Variants in RNF180 observed in about 807,000 individuals in gnomAD.
RNF180 encodes E3 ubiquitin-protein ligase RNF180.
RNF180 carries 38 observed loss-of-function variants against 59.2 expected under a neutral mutation model. That is an observed-to-expected ratio of 0.64 (90% CI 0.50 to 0.84). The LOEUF is 0.84. RNF180 is among the 40% of genes least tolerant of loss of function. The pLI, the probability that RNF180 is intolerant of heterozygous loss-of-function variation, is 0.00. For synonymous variants in RNF180, 262 were observed against 240.3 expected, an observed-to-expected ratio of 1.09 and a Z score of -0.84; for missense variants, 705 against 700.9, an observed-to-expected ratio of 1.01 and a Z score of -0.07.
chr5:64,266,146 T>C (rs1327418964), intron 5 of RNF180, among the ~76,000 whole-genome samples: 1 of 152,230 alleles, frequency 6.6e-6, no homozygotes, highest in Non-Finnish European at 1.5e-5. Context: ...TTTCCAGATA[T>C]ACAATCATGT....
chr5:64,169,562 A>G (rs937770649), intron 1 of RNF180, among the ~76,000 whole-genome samples: 1 of 152,226 alleles, frequency 6.6e-6, no homozygotes, highest in African/African-American at 2.4e-5. Flanking sequence ...TTCTTAATCA[A>G]AGTTCCCATG....
chr5:64,284,479 A>G (rs1239069647), intron 5 of RNF180, among the ~76,000 whole-genome samples: 1 of 152,206 alleles, frequency 6.6e-6, no homozygotes, highest in Non-Finnish European at 1.5e-5. Flanking sequence ...CATTTCACCA[A>G]TGCCAACGAG....
chr5:64,349,673 T>G (rs7705665), intron 7 of RNF180, among the ~76,000 whole-genome samples: 7,969 of 151,528 alleles, frequency 0.053, 677 homozygotes, highest in African/African-American at 0.18. Context: ...CACCTATGAG[T>G]GAGAACATGC....
chr5:64,306,163 G>A (rs977816109), intron 5 of RNF180, among the ~76,000 whole-genome samples: 1 of 151,614 alleles, frequency 6.6e-6, no homozygotes, highest in Non-Finnish European at 1.5e-5. Flanking sequence ...AAATAAAAAG[G>A]TAGATTTCTT....
At chr5:64,255,497 G>C (rs998075064) in intron 5 of RNF180, among the ~76,000 whole-genome samples, 3 of 152,086 alleles carry the variant, frequency 2.0e-5, no homozygotes, top group African/African-American at 4.8e-5. Flanking sequence ...ATGGTTTCCA[G>C]CTTCATCCAT....
At chr5:64,234,251 G>C (rs950120568) in intron 5 of RNF180, among the ~76,000 whole-genome samples, 4 of 152,108 alleles carry the variant, frequency 2.6e-5, no homozygotes, top group Non-Finnish European at 5.9e-5. Context: ...CATCACTTGA[G>C]ATCAGGAGTT....
chr5:64,320,117 C>G (rs1046398925), intron 5 of RNF180, among the ~76,000 whole-genome samples: 10 of 152,336 alleles, frequency 6.6e-5, no homozygotes, highest in Admixed American at 2.0e-4. Flanking sequence ...ATTAATTTAA[C>G]AAGCTCTCCA....
At chr5:64,297,959 G>T (rs1241986647) in intron 5 of RNF180, among the ~76,000 whole-genome samples, 1 of 152,014 alleles carries the variant, frequency 6.6e-6, no homozygotes, top group Non-Finnish European at 1.5e-5. Context: ...TGTTAGAAAT[G>T]TGTGTCACGG....
At chr5:64,181,750 C>T (rs1455334641) in intron 1 of RNF180, among the ~76,000 whole-genome samples, 1 of 152,120 alleles carries the variant, frequency 6.6e-6, no homozygotes, top group Non-Finnish European at 1.5e-5. Context: ...GAAATGAAAC[C>T]TCTGAAATAC....
intron 5 of RNF180, among the ~76,000 whole-genome samples, chr5:64,308,480 TAAAC>T (rs1389991839): frequency 6.6e-6 from 1 of 151,748 alleles, no homozygotes; most frequent in Non-Finnish European, 1.5e-5. Flanking sequence ...CAACAAACAT[TAAAC>T]AAAGTTATAT....
intron 1 of RNF180, among the ~76,000 whole-genome samples, chr5:64,186,034 A>G (rs976803447): frequency 1.3e-5 from 2 of 152,194 alleles, no homozygotes; most frequent in African/African-American, 4.8e-5. Context: ...CCAGTGTTTT[A>G]TCTGCTAGGA....
At chr5:64,365,732 G>A (rs1159949454) in intron 7 of RNF180, among the ~76,000 whole-genome samples, 1 of 151,606 alleles carries the variant, frequency 6.6e-6, no homozygotes, top group Non-Finnish European at 1.5e-5. Context: ...GTTATGTAAT[G>A]CCCCTCTTTG....
At chr5:64,256,202 T>A (rs1287479407) in intron 5 of RNF180, among the ~76,000 whole-genome samples, 1 of 152,216 alleles carries the variant, frequency 6.6e-6, no homozygotes, top group African/African-American at 2.4e-5. Flanking sequence ...CTCCTTAGTT[T>A]AATTAGATCC....
In RNF180 at chr5:64,201,198, G is replaced by A. The variant is rs540604179; in HGVS notation, c.135+256G>A. On this transcript the variant is annotated intron_variant, in intron 2 of 7. Coordinates refer to ENST00000389100, the MANE Select transcript of RNF180 (RefSeq NM_001113561.2). ...TTAATATGACCTTAATGTTTTAAGT[G>A]CAATGTTATAGGCATAAGCTGAAGA... Among the ~76,000 whole-genome samples the A allele has an allele frequency of 2.6e-5, 4 of 152,274 alleles. No homozygotes were observed. The South Asian group carries it at 8.3e-4, about 32-fold the overall frequency.
chr5:64,264,546 C>G (rs536880508), intron 5 of RNF180, among the ~76,000 whole-genome samples: 1 of 152,250 alleles, frequency 6.6e-6, no homozygotes, highest in Non-Finnish European at 1.5e-5. Flanking sequence ...CATGTCCCTG[C>G]AAAGAACATG....
At chr5:64,302,754 A>G (rs946969893) in intron 5 of RNF180, among the ~76,000 whole-genome samples, 1 of 151,678 alleles carries the variant, frequency 6.6e-6, no homozygotes, top group Non-Finnish European at 1.5e-5. Flanking sequence ...GAAAACATAC[A>G]TAGCCTCTTT....
chr5:64,168,096 T>G (rs1749745832), intron 1 of RNF180, among the ~76,000 whole-genome samples: 2 of 152,214 alleles, frequency 1.3e-5, no homozygotes, highest in African/African-American at 2.4e-5. Flanking sequence ...CATTCATAAT[T>G]ATTTTGTATT....
rs567159664 is a variant in RNF180 at position 64,198,968 on chromosome 5, C to T, written c.1-1840C>T. On this transcript the variant is annotated intron_variant, in intron 1 of 7. Coordinates refer to ENST00000389100, the MANE Select transcript of RNF180 (RefSeq NM_001113561.2). ...GTAGCTGGGACTACAGGCATGTTGC[C>T]ACCACACACGGCTAAATTTTTGTAT... Among the ~76,000 whole-genome samples, 659 of 152,202 alleles carry T rather than the reference C, an allele frequency of 4.3e-3. 3 individuals are homozygous for T. Among genetic ancestry groups the T allele is most frequent in the Non-Finnish European group, 6.9e-3 (471 of 68,000 alleles).
chr5:64,312,475 T>A (rs1349946697), intron 5 of RNF180, among the ~76,000 whole-genome samples: 1 of 152,056 alleles, frequency 6.6e-6, no homozygotes, highest in Non-Finnish European at 1.5e-5. Flanking sequence ...AATTAGGAAG[T>A]AGCAATGAAA....
Sources: allele counts gnomAD v4.1 joint callset (sites outside exome capture counted in the v4.1 genomes callset), GRCh38; gene constraint gnomAD v4.1.1; transcripts MANE v1.5; gene names NCBI Gene and HGNC (gene_info 2026-07-23, HGNC 2026-07-21).